The following MTCL2 variants were observed in gnomAD, a reference collection of about 807,000 sequenced individuals.
The protein encoded by MTCL2 is microtubule crosslinking factor 2.
the MTCL2 span, chr20:36,794,110 G>A: frequency 1.1e-5 from 17 of 1,551,434 alleles, no homozygotes; most frequent in East Asian, 1.7e-4. This position sits in a 1 kb window ranked among gnomAD's most constrained non-coding sequence, Gnocchi z 5.4. Context: ...AGCCAGGCCC[G>A]GCCGCCGAGG....
chr20:36,860,854 G>A, the MTCL2 span, among the ~76,000 whole-genome samples: 2 of 152,168 alleles, frequency 1.3e-5, no homozygotes, highest in Admixed American at 6.5e-5. Flanking sequence ...TGGAAATTAC[G>A]GTTCCATCTT....
At chr20:36,858,956 A>G in the MTCL2 span, among the ~76,000 whole-genome samples, 1 of 152,060 alleles carries the variant, frequency 6.6e-6, no homozygotes, top group Non-Finnish European at 1.5e-5. Flanking sequence ...ACGCCTGGGT[A>G]ATTTTTGTAT....
the MTCL2 span, among the ~76,000 whole-genome samples, chr20:36,789,988 ATTTTTTTTTTTT>A: frequency 1.1e-4 from 12 of 110,716 alleles, no homozygotes; most frequent in African/African-American, 4.3e-4. Context: ...TAATTTTTGT[ATTTTTTTTTTTT>A]TTTTTTTTTG....
the MTCL2 span, among the ~76,000 whole-genome samples, chr20:36,833,449 A>C: frequency 2.6e-5 from 4 of 152,330 alleles, no homozygotes; most frequent in East Asian, 7.7e-4. Flanking sequence ...GCTCCTGCCA[A>C]GTGCAACTAG....
At chr20:36,802,967 C>G in the MTCL2 span, 1 of 1,585,868 alleles carries the variant, frequency 6.3e-7, no homozygotes, top group Non-Finnish European at 8.6e-7. Flanking sequence ...GCTCACTGAT[C>G]TGCAGCTGCC....
At chr20:36,803,949 G>A in the MTCL2 span, among the ~76,000 whole-genome samples, 1 of 111,512 alleles carries the variant, frequency 9.0e-6, no homozygotes, top group Non-Finnish European at 1.7e-5. Flanking sequence ...ACAGTGAGAT[G>A]CCGTCTCAAA....
At chr20:36,821,659 A>T in the MTCL2 span, among the ~76,000 whole-genome samples, 1 of 152,230 alleles carries the variant, frequency 6.6e-6, no homozygotes, top group Non-Finnish European at 1.5e-5. Flanking sequence ...TGGAGGTTAC[A>T]TTGAGCCAAG....
the MTCL2 span, among the ~76,000 whole-genome samples, chr20:36,814,817 T>C: frequency 6.6e-6 from 1 of 151,882 alleles, no homozygotes; most frequent in East Asian, 1.9e-4. Context: ...AACCTGGGAG[T>C]TGGAGGTTAC....
the MTCL2 span, among the ~76,000 whole-genome samples, chr20:36,843,451 C>T: frequency 6.7e-6 from 1 of 148,340 alleles, no homozygotes; most frequent in Non-Finnish European, 1.5e-5. Context: ...CCTCCACCCT[C>T]ATAGACTCAC....
At chr20:36,839,384 C>T in the MTCL2 span, 1 of 1,613,366 alleles carries the variant, frequency 6.2e-7, no homozygotes, top group African/African-American at 1.3e-5. This position sits in a 1 kb window ranked among gnomAD's most constrained non-coding sequence, Gnocchi z 5.1. Context: ...TACACGTCCT[C>T]CTCCATATAG....
chr20:36,841,028 G>A, the MTCL2 span, among the ~76,000 whole-genome samples: 15 of 151,812 alleles, frequency 9.9e-5, no homozygotes, highest in African/African-American at 3.6e-4. Flanking sequence ...AAAGACACCT[G>A]GCTGGGCGCA....
chr20:36,828,935 C>G, the MTCL2 span: 2 of 1,102,892 alleles, frequency 1.8e-6, no homozygotes, highest in Non-Finnish European at 2.5e-6. Flanking sequence ...ACAACCTTGC[C>G]AGGGAGGCAT....
chr20:36,844,439 T>C, the MTCL2 span, among the ~76,000 whole-genome samples: 1 of 151,280 alleles, frequency 6.6e-6, no homozygotes, highest in African/African-American at 2.4e-5. Flanking sequence ...ATAATAATAA[T>C]GTATTACATC....
At chr20:36,843,779 C>A in the MTCL2 span, among the ~76,000 whole-genome samples, 1 of 152,152 alleles carries the variant, frequency 6.6e-6, no homozygotes, top group Admixed American at 6.5e-5. Flanking sequence ...TCAGGTTGAA[C>A]CAAGGGGAAA....
the MTCL2 span, among the ~76,000 whole-genome samples, chr20:36,844,006 G>A: frequency 2.6e-5 from 4 of 152,142 alleles, no homozygotes; most frequent in Non-Finnish European, 5.9e-5. Flanking sequence ...GGGAGGCCAA[G>A]GCCGGCAGAT....
the MTCL2 span, among the ~76,000 whole-genome samples, chr20:36,843,490 AC>A: frequency 4.6e-5 from 7 of 151,288 alleles, no homozygotes; most frequent in African/African-American, 1.5e-4. Flanking sequence ...CGTGGACAGA[AC>A]CAGAGTGGAG....
the MTCL2 span, among the ~76,000 whole-genome samples, chr20:36,837,047 T>C: frequency 1.3e-5 from 2 of 152,208 alleles, no homozygotes; most frequent in Non-Finnish European, 2.9e-5. Context: ...CCCAGGTAAG[T>C]GTGTGGCTGA....
chr20:36,835,421 T>A, the MTCL2 span, among the ~76,000 whole-genome samples: 1 of 151,486 alleles, frequency 6.6e-6, no homozygotes, highest in South Asian at 2.1e-4. Context: ...ATTCAGCTGG[T>A]CAAAAGCCAC....
At chr20:36,839,139 G>A in the MTCL2 span, 2 of 1,373,356 alleles carry the variant, frequency 1.5e-6, no homozygotes, top group Admixed American at 1.9e-5. This position sits in a 1 kb window ranked among gnomAD's most constrained non-coding sequence, Gnocchi z 5.1. Flanking sequence ...ACACGGAAAT[G>A]AGATGCAAGG....
Sources: gnomAD v4.1 joint callset for allele counts (sites outside exome capture counted in the v4.1 genomes callset) on GRCh38, gnomAD v4.1.1 for gene constraint, Gnocchi (gnomAD v3.1) non-coding constraint, MANE v1.5 for transcripts, NCBI Gene and HGNC (gene_info 2026-07-23, HGNC 2026-07-21) for gene names.